Variants in RRM2 observed in about 807,000 individuals in gnomAD.
The protein encoded by RRM2 is ribonucleotide reductase regulatory subunit M2.
Under a neutral mutation model 45.9 loss-of-function variants are expected in RRM2, and 6 were observed. The observed-to-expected ratio is 0.13, with a 90% CI of 0.07 to 0.26. The LOEUF (loss-of-function observed/expected upper bound fraction) is 0.26, where lower values mean the gene tolerates loss of function less well. Ranked by LOEUF, RRM2 falls within the 10% of genes least tolerant of loss-of-function variation. The pLI is 1.00. For missense variants in RRM2, 343 were observed against 489.5 expected, an observed-to-expected ratio of 0.70 and a Z score of 2.82; for synonymous variants, 177 against 173.0, an observed-to-expected ratio of 1.02 and a Z score of -0.18.
In RRM2 at chr2:10,180,005, G is replaced by A. The variant is rs536088892; in HGVS notation, n.483-30306G>A. On this transcript the variant is annotated intron_variant and non_coding_transcript_variant, in intron 3 of 3. Transcript: ENST00000381786. ...CACCCAGAGCCACCTCTCTGTGAGA[G>A]CGGCCCCACCAATGACTTTCCTGTG... Among the ~76,000 whole-genome samples the A allele has an allele frequency of 4.6e-5, 7 of 152,332 alleles. No homozygotes were observed. In the South Asian group the frequency reaches 1.2e-3, roughly 27 times the overall value.
chr2:10,200,001 T>C (rs572598145), intron 3 of RRM2, among the ~76,000 whole-genome samples: 2 of 151,908 alleles, frequency 1.3e-5, no homozygotes, highest in East Asian at 3.9e-4. Context: ...CCCAGCTAAT[T>C]TTTGTATTTT....
chr2:10,177,724 TC>T (rs1663952999), intron 3 of RRM2, among the ~76,000 whole-genome samples: 1 of 138,370 alleles, frequency 7.2e-6, no homozygotes, highest in Non-Finnish European at 1.6e-5. Flanking sequence ...CCTCCCTCCC[TC>T]CCTCTCTCTC....
intron 3 of RRM2, among the ~76,000 whole-genome samples, chr2:10,188,898 C>G (rs964002887): frequency 1.3e-5 from 2 of 152,144 alleles, no homozygotes; most frequent in African/African-American, 4.8e-5. Flanking sequence ...AGTTCCCAGT[C>G]CTGGCCGCAT....
intron 3 of RRM2, among the ~76,000 whole-genome samples, chr2:10,200,436 C>T (rs1480895705): frequency 2.9e-5 from 4 of 136,846 alleles, no homozygotes; most frequent in Non-Finnish European, 6.4e-5. Flanking sequence ...GGACCGCGCG[C>T]GCAAAATATG....
chr2:10,198,307 C>T (rs754060988), intron 3 of RRM2, among the ~76,000 whole-genome samples: 11 of 152,154 alleles, frequency 7.2e-5, no homozygotes, highest in Admixed American at 6.5e-5. Flanking sequence ...TCCATGTTTA[C>T]GGTGACCTCT....
chr2:10,174,299 C>CAGAAT (rs1663868059), intron 3 of RRM2, among the ~76,000 whole-genome samples: 1 of 152,092 alleles, frequency 6.6e-6, no homozygotes, highest in Non-Finnish European at 1.5e-5. Flanking sequence ...GACAGCAGCG[C>CAGAAT]TTGGGGAGAA....
At chr2:10,158,621 G>C (rs1271593313) in intron 3 of RRM2, among the ~76,000 whole-genome samples, 1 of 152,092 alleles carries the variant, frequency 6.6e-6, no homozygotes, top group African/African-American at 2.4e-5. Context: ...CTTACCCAAA[G>C]GATGAGGTTG....
chr2:10,170,804 C>A (rs1663785047), intron 3 of RRM2, among the ~76,000 whole-genome samples: 2 of 152,168 alleles, frequency 1.3e-5, no homozygotes, highest in Admixed American at 6.5e-5. Context: ...CACCCCCACG[C>A]CCCCGCCCCC....
At position 10,205,241 on chromosome 2, in the gene RRM2, C is replaced by T. The variant is rs1345660209; in HGVS notation, n.483-5070C>T. 1.3e-5 allele frequency among the ~76,000 whole-genome samples: 2 copies of T among 152,098 alleles called. No homozygotes were observed. The highest frequency in any genetic ancestry group is 4.8e-5 in the African/African-American group (2 of 41,404). ...TGAGGCCTGAGCGGTGAGTGGGGCTCGGTATTGACGATCAGCGAACAGTCT... is the reference window on the plus strand; with the variant it reads ...TGAGGCCTGAGCGGTGAGTGGGGCTTGGTATTGACGATCAGCGAACAGTCT... On this transcript the variant is annotated intron_variant and non_coding_transcript_variant, in intron 3 of 3. Coordinates refer to the RRM2 transcript ENST00000381786. The surrounding 1 kb of genome is among the most constrained non-coding windows in gnomAD (Gnocchi z 4.8).
At chr2:10,210,237 T>G in intron 3 of RRM2, 2 of 1,016,242 alleles carry the variant, frequency 2.0e-6, no homozygotes, top group Non-Finnish European at 2.8e-6. Flanking sequence ...GCCCAGTATG[T>G]GTTTGGTGAA....
At chr2:10,145,513 A>G (rs1360177299) in intron 3 of RRM2, 1 of 152,170 alleles carries the variant, frequency 6.6e-6, no homozygotes, top group African/African-American at 2.4e-5. Flanking sequence ...CTCCCTGAAT[A>G]TTTTTGATCT....
chr2:10,123,576 C>A, intron 3 of RRM2, 46 bp downstream of exon 3: 1 of 1,577,648 alleles, frequency 6.3e-7, no homozygotes, highest in South Asian at 1.1e-5. Context: ...GACCGTCACG[C>A]CTCAGACATA....
At chr2:10,138,706 G>A (rs140227713), upstream of RRM2, among the ~76,000 whole-genome samples, 690 of 152,296 alleles carry the variant, frequency 4.5e-3, 5 homozygotes, top group African/African-American at 0.016. Context: ...TTTCCACATC[G>A]TGAACTAGGA....
intron 3 of RRM2, 30 bp downstream of exon 3, chr2:10,123,560 A>C (rs770381115): frequency 1.9e-5 from 30 of 1,588,888 alleles, no homozygotes; most frequent in Non-Finnish European, 2.4e-5. Flanking sequence ...AGACCCCTGC[A>C]GGGGTGACCG....
At chr2:10,161,015 G>C (rs1290447379) in intron 3 of RRM2, among the ~76,000 whole-genome samples, 1 of 152,198 alleles carries the variant, frequency 6.6e-6, no homozygotes, top group Non-Finnish European at 1.5e-5. Context: ...TGCAGAAAGC[G>C]TGGTCTGAGC....
chr2:10,163,928 C>T (rs1053079768), intron 3 of RRM2, among the ~76,000 whole-genome samples: 6 of 152,264 alleles, frequency 3.9e-5, no homozygotes, highest in South Asian at 2.1e-4. Flanking sequence ...CAGGAATGCC[C>T]GTTGTTCTTC....
At chr2:10,176,038 ATTTC>A (rs1041107004) in intron 3 of RRM2, among the ~76,000 whole-genome samples, 8 of 152,104 alleles carry the variant, frequency 5.3e-5, no homozygotes, top group Non-Finnish European at 1.0e-4. Context: ...GCATGTCTGA[ATTTC>A]TTTCCTTTTC....
intron 3 of RRM2, among the ~76,000 whole-genome samples, chr2:10,150,867 G>A (rs139867225): frequency 0.025 from 3,654 of 148,946 alleles, 135 homozygotes; most frequent in African/African-American, 0.085. Flanking sequence ...AGGCTAGAGT[G>A]CAATGGCGCG....
intron 1 of RRM2, chr2:10,141,679 G>T: frequency 1.1e-6 from 1 of 875,358 alleles, no homozygotes; most frequent in Non-Finnish European, 1.7e-6. Context: ...GCAGGAAGGA[G>T]GGCAAGAGAC....
Sources: gnomAD v4.1 joint callset for allele counts (sites outside exome capture counted in the v4.1 genomes callset) on GRCh38, gnomAD v4.1.1 for gene constraint, Gnocchi (gnomAD v3.1) non-coding constraint, MANE v1.5 for transcripts, NCBI Gene and HGNC (gene_info 2026-07-23, HGNC 2026-07-21) for gene names.